NRG3: variants seen among roughly 807,000 people sequenced by gnomAD.
NRG3 encodes neuregulin 3.
Under a neutral mutation model 66.9 loss-of-function variants are expected in NRG3, and 31 were observed. The observed-to-expected ratio is 0.46, with a 90% CI of 0.35 to 0.63. The LOEUF is 0.63. Among genes scored for constraint, NRG3 ranks in the 20% least tolerant of loss-of-function variants. NRG3 has a pLI of 0.00. For synonymous variants in NRG3, 393 were observed against 359.4 expected, an observed-to-expected ratio of 1.09 and a Z score of -1.06; for missense variants, 910 against 878.9, an observed-to-expected ratio of 1.04 and a Z score of -0.45.
intron 8 of NRG3, chr10:82,984,869 G>T (rs1197534152): frequency 1.4e-6 from 2 of 1,446,306 alleles, no homozygotes; most frequent in East Asian, 4.8e-5. Flanking sequence ...GAAGATCTGG[G>T]TTTGAGTCTC....
intron 2 of NRG3, among the ~76,000 whole-genome samples, chr10:82,530,980 G>T (rs115444669): frequency 0.01 from 1,532 of 151,802 alleles, 25 homozygotes; most frequent in African/African-American, 0.034. Context: ...ACAAAGAAAG[G>T]TACTGTAAAT....
intron 3 of NRG3, among the ~76,000 whole-genome samples, chr10:82,832,865 T>C (rs1218390649): frequency 6.6e-6 from 1 of 151,724 alleles, no homozygotes; most frequent in Non-Finnish European, 1.5e-5. Flanking sequence ...CATTAGCCGA[T>C]GGATACAAAG....
intron 1 of NRG3, among the ~76,000 whole-genome samples, chr10:82,285,646 G>A (rs141640168): frequency 5.8e-4 from 88 of 152,220 alleles, no homozygotes; most frequent in Non-Finnish European, 1.0e-3. Flanking sequence ...CAGAACACAC[G>A]CCAAGGCTGG....
chr10:82,359,803 T>C (rs2084011558), intron 2 of NRG3, among the ~76,000 whole-genome samples: 1 of 152,204 alleles, frequency 6.6e-6, no homozygotes, highest in Admixed American at 6.5e-5. Context: ...TTATGACTTT[T>C]TTCTATTACT....
Position 82,861,525 on chromosome 10 carries a change from G to T in NRG3, c.1028-3886G>T, listed in dbSNP as rs1454913659. On this transcript the variant is annotated intron_variant, in intron 3 of 8. Coordinates refer to ENST00000372141, the MANE Select transcript of NRG3 (RefSeq NM_001010848.4). ...TTGAGGTTTCAAAACATTCAGATTG[G>T]CCCTCCATTAATCAAACATGCCACT... Among the ~76,000 whole-genome samples, 5 of 152,046 alleles carry T rather than the reference G, an allele frequency of 3.3e-5. No individual in the cohort carries two copies. In the South Asian group the frequency reaches 1.0e-3, roughly 32 times the overall value.
chr10:82,339,241 G>T lies in NRG3; in HGVS notation c.824-19498G>T, dbSNP rs1227743695. Among the ~76,000 whole-genome samples, 11 of 152,230 alleles carry T rather than the reference G, an allele frequency of 7.2e-5. No homozygotes were observed. In the East Asian group the frequency reaches 1.7e-3, roughly 24 times the overall value. ...GTTAATGCTACATTCTTGATTTCCTGTATTTTTAGTCAGTAACTGTATTAG... is the reference window on the plus strand; with the variant it reads ...GTTAATGCTACATTCTTGATTTCCTTTATTTTTAGTCAGTAACTGTATTAG... On this transcript the variant is annotated intron_variant, in intron 1 of 8. Coordinates refer to ENST00000372141, the MANE Select transcript of NRG3 (RefSeq NM_001010848.4).
chr10:82,665,480 T>C (rs974211964), intron 2 of NRG3, among the ~76,000 whole-genome samples: 6 of 152,200 alleles, frequency 3.9e-5, no homozygotes, highest in Non-Finnish European at 8.8e-5. Flanking sequence ...GATCACACTT[T>C]GGATCTAATC....
rs562486776 is a variant in NRG3 at position 82,912,508 on chromosome 10, A to G, written c.1055-38961A>G. ...TATTTTGGATAAGTGTTAGCATGGT[A>G]TATCTTACTCCACCATTTATGGCAC... On this transcript the variant is annotated intron_variant, in intron 4 of 8. Transcript: ENST00000372141. Among the ~76,000 whole-genome samples, 227 of 152,306 alleles carry G rather than the reference A, an allele frequency of 1.5e-3. 2 individuals carry two copies. The highest frequency in any genetic ancestry group is 0.01 in the Middle Eastern group (3 of 294).
chr10:82,028,891 C>T (rs753505901), intron 1 of NRG3, among the ~76,000 whole-genome samples: 2 of 151,942 alleles, frequency 1.3e-5, no homozygotes, highest in African/African-American at 2.4e-5. Context: ...CGGTTTGGTG[C>T]GATGTTGAAA....
chr10:82,743,137 A>C (rs1056750466), intron 3 of NRG3, among the ~76,000 whole-genome samples: 3 of 152,070 alleles, frequency 2.0e-5, no homozygotes, highest in Non-Finnish European at 4.4e-5. Context: ...AGAATCCAGT[A>C]CTTAGCATAT....
intron 2 of NRG3, among the ~76,000 whole-genome samples, chr10:82,470,043 G>A (rs528443047): frequency 6.6e-6 from 1 of 152,082 alleles, no homozygotes; most frequent in Non-Finnish European, 1.5e-5. Flanking sequence ...AGTGCTGGGG[G>A]CCTCTGTGTG....
chr10:82,197,968 A>C (rs188755422), intron 1 of NRG3, among the ~76,000 whole-genome samples: 29 of 152,308 alleles, frequency 1.9e-4, no homozygotes, highest in Admixed American at 1.2e-3. Context: ...TATTATGGTG[A>C]CATAGTCTTA....
At chr10:82,674,033 G>C (rs1239936475) in intron 2 of NRG3, among the ~76,000 whole-genome samples, 1 of 152,014 alleles carries the variant, frequency 6.6e-6, no homozygotes, top group African/African-American at 2.4e-5. Flanking sequence ...GCAACGTCAG[G>C]GTAGCCATAT....
At chr10:82,112,544 T>G (rs1304919965) in intron 1 of NRG3, among the ~76,000 whole-genome samples, 1 of 152,166 alleles carries the variant, frequency 6.6e-6, no homozygotes, top group East Asian at 1.9e-4. Context: ...TTGGTGAAAA[T>G]GTTTATCAAG....
At chr10:81,906,614 T>C (rs2132704761) in intron 1 of NRG3, among the ~76,000 whole-genome samples, 1 of 152,190 alleles carries the variant, frequency 6.6e-6, no homozygotes, top group South Asian at 2.1e-4. Flanking sequence ...GGCAAGAATA[T>C]GTTGCCACGT....
chr10:82,101,690 A>G (rs1018986289), intron 1 of NRG3, among the ~76,000 whole-genome samples: 9 of 151,824 alleles, frequency 5.9e-5, no homozygotes, highest in Admixed American at 4.6e-4. Flanking sequence ...CTAAGAGATC[A>G]TACTTTGTAT....
At chr10:82,674,257 G>T (rs2053507511) in intron 2 of NRG3, among the ~76,000 whole-genome samples, 2 of 152,150 alleles carry the variant, frequency 1.3e-5, no homozygotes, top group Non-Finnish European at 2.9e-5. Context: ...CCATCTAGTT[G>T]ACATTCTTGC....
intron 1 of NRG3, among the ~76,000 whole-genome samples, chr10:81,962,526 A>G (rs895477112): frequency 5.3e-5 from 8 of 152,236 alleles, no homozygotes; most frequent in Admixed American, 6.5e-5. Flanking sequence ...ATAGAAATGT[A>G]TGTTCCCGTC....
At chr10:82,302,544 A>T (rs1215911398) in intron 1 of NRG3, among the ~76,000 whole-genome samples, 1 of 152,156 alleles carries the variant, frequency 6.6e-6, no homozygotes, top group Non-Finnish European at 1.5e-5. Flanking sequence ...AGTAGGTTAA[A>T]TATTAATGAT....
Sources: allele counts gnomAD v4.1 joint callset (sites outside exome capture counted in the v4.1 genomes callset), GRCh38; gene constraint gnomAD v4.1.1; transcripts MANE v1.5; gene names NCBI Gene and HGNC (gene_info 2026-07-23, HGNC 2026-07-21).